VPS37A: variants seen among roughly 807,000 people sequenced by gnomAD.
VPS37A encodes VPS37A subunit of ESCRT-I, also known as vacuolar protein sorting-associated protein 37A.
A neutral mutation model predicts 49.8 loss-of-function variants in VPS37A; 30 were observed. That is an observed-to-expected ratio of 0.60 (90% CI 0.45 to 0.82). The LOEUF (loss-of-function observed/expected upper bound fraction) is 0.82, where lower values mean the gene tolerates loss of function less well. Ranked by LOEUF, VPS37A falls within the 40% of genes least tolerant of loss-of-function variation. The pLI is 0.00. For synonymous variants in VPS37A, 195 were observed against 160.6 expected (o/e 1.21, Z -1.62); for missense variants, 593 against 464.4 (o/e 1.28, Z -2.55).
At chr8:17,313,231 C>G in the VPS37A span, 171,993 of 1,255,442 alleles carry the variant, frequency 0.14, 15,777 homozygotes, top group East Asian at 0.33. Context: ...GAGGGATACC[C>G]ATTTTGAAGT....
chr8:17,261,637 T>C (rs1812972592), intron 1 of VPS37A, among the ~76,000 whole-genome samples: 1 of 152,200 alleles, frequency 6.6e-6, no homozygotes, highest in South Asian at 2.1e-4. Flanking sequence ...CTCTTTACTG[T>C]AAGGTTTCTG....
At chr8:17,316,794 G>A in the VPS37A span, among the ~76,000 whole-genome samples, 1 of 152,114 alleles carries the variant, frequency 6.6e-6, no homozygotes, top group Non-Finnish European at 1.5e-5. Flanking sequence ...ATGTGCATAG[G>A]CTATATGCAA....
intron 1 of VPS37A, among the ~76,000 whole-genome samples, chr8:17,257,320 T>C (rs1424647692): frequency 6.6e-6 from 1 of 152,226 alleles, no homozygotes; most frequent in Non-Finnish European, 1.5e-5. Context: ...TACTATAACT[T>C]TGCAGTAAAT....
At chr8:17,274,449 A>G (rs920891540) in intron 4 of VPS37A, among the ~76,000 whole-genome samples, 19 of 152,038 alleles carry the variant, frequency 1.2e-4, no homozygotes, top group African/African-American at 7.2e-5. Flanking sequence ...TGGCCTGTCT[A>G]TCCACTTCTA....
chr8:17,305,901 A>G (rs747948343), downstream of VPS37A: 2 of 1,613,838 alleles, frequency 1.2e-6, no homozygotes, highest in South Asian at 1.1e-5. Flanking sequence ...AACACACTCA[A>G]TGAACTGGTC....
At chr8:17,289,194 G>A (rs577080536) in intron 11 of VPS37A, among the ~76,000 whole-genome samples, 3 of 152,072 alleles carry the variant, frequency 2.0e-5, no homozygotes, top group African/African-American at 7.2e-5. Context: ...CTGTGCATAA[G>A]GTCTTTAGTT....
chr8:17,286,239 C>T, intron 10 of VPS37A, 108 bp from the exon 11 acceptor site: 2 of 843,258 alleles, frequency 2.4e-6, no homozygotes, highest in Non-Finnish European at 3.7e-6. Context: ...ACATTCAAAA[C>T]ATAAAATAAT....
chr8:17,318,101 G>C, the VPS37A span, among the ~76,000 whole-genome samples: 2 of 152,126 alleles, frequency 1.3e-5, no homozygotes, highest in East Asian at 3.9e-4. Flanking sequence ...GGATGATGAT[G>C]GGAAGCCAGT....
chr8:17,279,343 A>AACT (rs1814815052), intron 6 of VPS37A, among the ~76,000 whole-genome samples: 1 of 152,138 alleles, frequency 6.6e-6, no homozygotes, highest in Non-Finnish European at 1.5e-5. Flanking sequence ...ATGTTACAGT[A>AACT]ACTACTCTGG....
chr8:17,325,377 C>T, the VPS37A span, among the ~76,000 whole-genome samples: 82 of 152,208 alleles, frequency 5.4e-4, no homozygotes, highest in Non-Finnish European at 2.5e-4. Flanking sequence ...AAAACCTTTG[C>T]GTGGAAGAAC....
chr8:17,258,321 T>C (rs904883811), intron 1 of VPS37A, among the ~76,000 whole-genome samples: 1 of 152,198 alleles, frequency 6.6e-6, no homozygotes, highest in South Asian at 2.1e-4. Flanking sequence ...TGTATATTCC[T>C]TCTATACCCA....
rs1757091868 is a variant in VPS37A, at chr8:17,277,565, C to G, written c.713+1098C>G. Among the ~76,000 whole-genome samples the G allele has an allele frequency of 3.3e-5, 5 of 152,060 alleles. No individual in the cohort carries two copies. The South Asian group carries it at 8.3e-4, about 25-fold the overall frequency. On this transcript the variant is annotated intron_variant, in intron 6 of 11. Transcript: ENST00000324849. Reference sequence around the variant, plus strand: ...GGTATGAGTCACCATTATTCTAAAGCAAATCCCAGATAATACATCCTTTTT... The same window carrying G: ...GGTATGAGTCACCATTATTCTAAAGGAAATCCCAGATAATACATCCTTTTT...
the VPS37A span, among the ~76,000 whole-genome samples, chr8:17,324,815 A>C: frequency 6.6e-6 from 1 of 152,170 alleles, no homozygotes; most frequent in Non-Finnish European, 1.5e-5. Context: ...CTAGATTTTC[A>C]GGTTATTATT....
At chr8:17,288,519 C>T (rs1381429463) in intron 11 of VPS37A, among the ~76,000 whole-genome samples, 1 of 152,120 alleles carries the variant, frequency 6.6e-6, no homozygotes, top group Non-Finnish European at 1.5e-5. Context: ...TGGTTTCCAG[C>T]TTCGTCTGTG....
chr8:17,319,225 T>TGAGCC, the VPS37A span, among the ~76,000 whole-genome samples: 8 of 152,228 alleles, frequency 5.3e-5, no homozygotes, highest in Admixed American at 1.3e-4. Flanking sequence ...GGCTAGTTAC[T>TGAGCC]GAGCCTCGCT....
At chr8:17,305,735 C>A (rs764105110), downstream of VPS37A, 7 of 1,578,448 alleles carry the variant, frequency 4.4e-6, no homozygotes, top group Admixed American at 5.2e-5. Context: ...AAGTTAAACA[C>A]CAAAAACACC....
chr8:17,280,167 C>T lies in VPS37A; in HGVS notation c.841+12C>T, dbSNP rs947868057. On this transcript the variant is annotated intron_variant, in intron 7 of 11. Transcript: ENST00000324849. ...TGAGGAACTAGCAAGTATGTTTTCC[C>T]TCTCCTGAGCGCACATTTCCTGAAA... 6 of 1,611,234 alleles carry T rather than the reference C, an allele frequency of 3.7e-6. No homozygotes were observed. In the African/African-American group the frequency reaches 4.0e-5, roughly 11 times the overall value.
At chr8:17,309,610 C>T in the VPS37A span, among the ~76,000 whole-genome samples, 4 of 152,156 alleles carry the variant, frequency 2.6e-5, no homozygotes, top group South Asian at 2.1e-4. Context: ...CATTGCTTTA[C>T]GTATGATCTC....
At chr8:17,302,270 C>T, downstream of VPS37A, 3 of 1,613,222 alleles carry the variant, frequency 1.9e-6, no homozygotes, top group East Asian at 2.2e-5. Flanking sequence ...TTATACATTC[C>T]ACTCCAAAAC....
Sources: gnomAD v4.1 joint callset for allele counts (sites outside exome capture counted in the v4.1 genomes callset) on GRCh38, gnomAD v4.1.1 for gene constraint, MANE v1.5 for transcripts, NCBI Gene and HGNC (gene_info 2026-07-23, HGNC 2026-07-21) for gene names.